Variants in TMEM229B observed in about 807,000 individuals in gnomAD.
TMEM229B encodes transmembrane protein 229B.
In TMEM229B, 6 loss-of-function variants were observed where a neutral mutation model predicts 13.7. The ratio of observed to expected loss-of-function variants is 0.44; its 90% CI spans 0.24 to 0.86. The LOEUF is 0.86. TMEM229B is among the 40% of genes least tolerant of loss of function. The pLI is 0.23. For missense variants in TMEM229B, 170 were observed against 236.0 expected, an observed-to-expected ratio of 0.72 and a Z score of 1.83; for synonymous variants, 107 against 102.1, an observed-to-expected ratio of 1.05 and a Z score of -0.29.
rs766306813 is a variant in TMEM229B at position 67,473,918 on chromosome 14, C to T, written c.6G>A (p.Ala2=). ...ACAGCGCCGTCAGGGGCTCGGCAGACGCCATGGCGCCGACTGGGGCTGGCT... is the reference window on the plus strand; with the variant it reads ...ACAGCGCCGTCAGGGGCTCGGCAGATGCCATGGCGCCGACTGGGGCTGGCT... The part of the protein sequence containing the change: M[A]SAEPLTALSR... The change falls in exon 3 of 3, where the codon GCG becomes GCA. Residue 2 remains alanine (A), a synonymous_variant. Transcript: ENST00000554480. This position sits in a 1 kb window ranked among gnomAD's most constrained non-coding sequence, Gnocchi z 6.5. The T allele has an allele frequency of 4.4e-6, 7 of 1,598,912 alleles. No homozygotes were observed. Among genetic ancestry groups the T allele is most frequent in the Non-Finnish European group, 6.0e-6 (7 of 1,173,042 alleles).
rs1555362327 is a variant in TMEM229B, at chr14:67,515,407, C to CCGT, written c.-514_-513insACG. ...CCGCTGCCCGGGAGGAAAGGAGCCCCCGGCGGCGGCGGCGGCGGCGGCGGC... is the reference window on the plus strand; with the variant it reads ...CCGCTGCCCGGGAGGAAAGGAGCCCCCGTCGGCGGCGGCGGCGGCGGCGGCGGC... On this transcript the variant is annotated 5_prime_UTR_variant, in exon 1 of 3. Transcript: ENST00000357461. 2.2e-5 allele frequency: 4 copies of CCGT among 178,790 alleles called. No homozygotes were observed. The Admixed American group carries it at 2.6e-4, about 11-fold the overall frequency. The allele number at this position is 178,790 out of a possible 1,614,324, so 11.1% of individuals were successfully genotyped here. A position where few individuals can be genotyped will look rare whatever the true frequency, so the allele number is the denominator to read the frequency against.
intron 1 of TMEM229B, among the ~76,000 whole-genome samples, chr14:67,524,136 G>A (rs1024414025): frequency 2.6e-5 from 4 of 152,092 alleles, no homozygotes; most frequent in African/African-American, 4.8e-5. Flanking sequence ...TTGGGCTTTT[G>A]ATATTTATTT....
rs61988216 is a variant in TMEM229B at position 67,508,802 on chromosome 14, A to G, written c.-192+6284T>C. On this transcript the variant is annotated intron_variant, in intron 1 of 2. Coordinates refer to the TMEM229B transcript ENST00000357461. ...GACAATTAACTTGCTTGGAACAAAC[A>G]AGAATGGATCCCAATCTACTAGCTG... Among the ~76,000 whole-genome samples, 136 of 151,052 alleles carry G rather than the reference A, an allele frequency of 9.0e-4. 2 individuals are homozygous for G. Among genetic ancestry groups the G allele is most frequent in the South Asian group, 4.0e-3 (19 of 4,754 alleles).
At chr14:67,498,145 G>A (rs78385101) in intron 1 of TMEM229B, among the ~76,000 whole-genome samples, 1,683 of 152,112 alleles carry the variant, frequency 0.011, 19 homozygotes, top group East Asian at 0.073. Context: ...CCACCTGAAC[G>A]CCTTTACAGA....
intron 2 of TMEM229B, among the ~76,000 whole-genome samples, chr14:67,475,458 A>T (rs2031124409): frequency 6.6e-6 from 1 of 152,122 alleles, no homozygotes; most frequent in African/African-American, 2.4e-5. Flanking sequence ...TTTCTGAGGA[A>T]CCACTGTGCT....
chr14:67,509,834 TAAAG>T (rs1284638710), intron 1 of TMEM229B, among the ~76,000 whole-genome samples: 2 of 152,086 alleles, frequency 1.3e-5, no homozygotes, highest in East Asian at 3.9e-4. Context: ...TAGCGAGTTA[TAAAG>T]ACTCTGTCTC....
chr14:67,492,385 G>A (rs976985569), upstream of TMEM229B, among the ~76,000 whole-genome samples: 14 of 152,198 alleles, frequency 9.2e-5, no homozygotes, highest in African/African-American at 3.4e-4. Context: ...TCAGGCAGCG[G>A]CTGAGAGGCC....
intron 1 of TMEM229B, among the ~76,000 whole-genome samples, chr14:67,496,421 T>TTTTA (rs1491168123): frequency 8.5e-6 from 1 of 117,430 alleles, no homozygotes; most frequent in African/African-American, 3.5e-5. Context: ...TTTTTTTTTT[T>TTTTA]GAGACAGGGT....
At chr14:67,529,954 G>C (rs1421561360) in intron 1 of TMEM229B, among the ~76,000 whole-genome samples, 2 of 152,142 alleles carry the variant, frequency 1.3e-5, no homozygotes, top group African/African-American at 4.8e-5. Context: ...CCCTTGATTT[G>C]AGGCTTTTTT....
chr14:67,480,169 T>C (rs1209326483), intron 2 of TMEM229B, among the ~76,000 whole-genome samples: 1 of 152,184 alleles, frequency 6.6e-6, no homozygotes, highest in Non-Finnish European at 1.5e-5. Flanking sequence ...GCCAGACCTC[T>C]GGACAGCCCC....
At position 67,473,491 on chromosome 14, in the gene TMEM229B, C is replaced by T. The variant is rs553768254; in HGVS notation, c.433G>A (p.Asp145Asn). ...GGCTCCCCGGGCTCAGCGTCCTTGT[C>T]GAAGCGGAGGCGGAGGGTGTTGCGG... is the stretch of plus-strand genomic sequence containing the variant. ...IIRNTLRLRF[D>N]KDAEPGEPSG... Residue 145 changes from aspartate to asparagine, a missense_variant, in exon 3 of 3, where the codon GAC becomes AAC. Asp to Asn is a conservative substitution (Grantham distance 23). Transcript: ENST00000554480. The surrounding 1 kb of genome is among the most constrained non-coding windows in gnomAD (Gnocchi z 6.5). 3.1e-6 allele frequency: 5 copies of T among 1,614,182 alleles called. No individual in the cohort carries two copies. The East Asian group carries it at 1.1e-4, about 36-fold the overall frequency.
intron 1 of TMEM229B, among the ~76,000 whole-genome samples, chr14:67,529,334 A>G (rs1034678557): frequency 2.0e-5 from 3 of 152,180 alleles, no homozygotes; most frequent in Non-Finnish European, 4.4e-5. Context: ...CCTGGGTGGA[A>G]GAGCCAGGAT....
intron 2 of TMEM229B, among the ~76,000 whole-genome samples, chr14:67,480,896 C>A (rs1045292310): frequency 2.6e-5 from 4 of 152,158 alleles, no homozygotes; most frequent in Non-Finnish European, 4.4e-5. Flanking sequence ...CCAACCCCAG[C>A]AAGTAACTTG....
At chr14:67,498,016 C>T (rs1292782747) in intron 1 of TMEM229B, among the ~76,000 whole-genome samples, 1 of 152,126 alleles carries the variant, frequency 6.6e-6, no homozygotes, top group African/African-American at 2.4e-5. Flanking sequence ...CGTCAACACT[C>T]CCAAAGGAGG....
intron 1 of TMEM229B, among the ~76,000 whole-genome samples, chr14:67,494,100 C>G (rs1342536259): frequency 6.6e-6 from 1 of 152,096 alleles, no homozygotes; most frequent in Non-Finnish European, 1.5e-5. Flanking sequence ...AACCCCTGCC[C>G]TTCACTCAGC....
At position 67,472,767 on chromosome 14, in the gene TMEM229B, G is replaced by A. The variant is rs2030842273; in HGVS notation, c.*653C>T. ...AAACGCCACCGAACACACGGGGATT[G>A]AAACCTCCAAAAGCCCAAGGTTGGT... On this transcript the variant is annotated 3_prime_UTR_variant, in exon 3 of 3. Coordinates refer to ENST00000554480, the MANE Select transcript of TMEM229B (RefSeq NM_001348543.2). 6.5e-6 allele frequency: 1 copy of A among 152,828 alleles called. No homozygotes were observed. Among genetic ancestry groups the A allele is most frequent in the Admixed American group, 6.5e-5 (1 of 15,282 alleles). The allele number at this position is 152,828 out of a possible 1,614,324, so 9.5% of individuals were successfully genotyped here. A position where few individuals can be genotyped will look rare whatever the true frequency, so the allele number is the denominator to read the frequency against.
chr14:67,512,027 A>T (rs1183821602), intron 1 of TMEM229B, among the ~76,000 whole-genome samples: 1 of 152,206 alleles, frequency 6.6e-6, no homozygotes, highest in Non-Finnish European at 1.5e-5. Context: ...TGAACCAAAC[A>T]CCCTGGTACT....
chr14:67,481,494 C>T (rs550088661), intron 2 of TMEM229B, among the ~76,000 whole-genome samples: 2 of 152,212 alleles, frequency 1.3e-5, no homozygotes, highest in South Asian at 2.1e-4. Context: ...AATGAAAGAC[C>T]TGAGTCAGGG....
At chr14:67,519,645 GA>G (rs2033260363), upstream of TMEM229B, among the ~76,000 whole-genome samples, 2 of 151,850 alleles carry the variant, frequency 1.3e-5, no homozygotes, top group South Asian at 4.1e-4. Flanking sequence ...CCCAAACAGC[GA>G]AAGTCCAGGA....
Sources: gnomAD v4.1 joint callset for allele counts (sites outside exome capture counted in the v4.1 genomes callset) on GRCh38, gnomAD v4.1.1 for gene constraint, Gnocchi (gnomAD v3.1) non-coding constraint, MANE v1.5 for transcripts, NCBI Gene and HGNC (gene_info 2026-07-23, HGNC 2026-07-21) for gene names.